MAF: variants seen among roughly 807,000 people sequenced by gnomAD.
MAF encodes the protein MAF bZIP transcription factor.
A neutral mutation model predicts 22.0 loss-of-function variants in MAF; 10 were observed. The observed-to-expected ratio is 0.45, with a 90% CI of 0.28 to 0.77. The LOEUF (loss-of-function observed/expected upper bound fraction) is 0.77. Among genes scored for constraint, MAF ranks in the 30% least tolerant of loss-of-function variants. The pLI is 0.12. For missense variants in MAF, 544 were observed against 548.4 expected (o/e 0.99, Z 0.08); for synonymous variants, 337 against 255.8 (o/e 1.32, Z -3.03).
the MAF span, among the ~76,000 whole-genome samples, chr16:79,301,708 G>A: frequency 2.6e-5 from 4 of 152,074 alleles, no homozygotes; most frequent in Non-Finnish European, 5.9e-5. Context: ...TGTGTATAAA[G>A]CACACATATA....
At chr16:79,406,220 T>A in the MAF span, among the ~76,000 whole-genome samples, 3 of 152,198 alleles carry the variant, frequency 2.0e-5, no homozygotes, top group African/African-American at 7.2e-5. Flanking sequence ...CCAAGTCAAT[T>A]ACTTGCCTTC....
the MAF span, among the ~76,000 whole-genome samples, chr16:79,331,924 T>C: frequency 6.6e-6 from 1 of 152,214 alleles, no homozygotes; most frequent in African/African-American, 2.4e-5. Flanking sequence ...TGGCATCCTA[T>C]CTCTATCATT....
chr16:79,536,799 TA>T, the MAF span, among the ~76,000 whole-genome samples: 1 of 152,220 alleles, frequency 6.6e-6, no homozygotes, highest in African/African-American at 2.4e-5. Context: ...TTATTATAAG[TA>T]ATCTAGAGAA....
the MAF span, among the ~76,000 whole-genome samples, chr16:79,559,363 G>T: frequency 6.6e-6 from 1 of 152,172 alleles, no homozygotes; most frequent in South Asian, 2.1e-4. Flanking sequence ...TCAACAATGT[G>T]TATCTCTATG....
chr16:79,363,200 G>A, the MAF span, among the ~76,000 whole-genome samples: 5 of 152,216 alleles, frequency 3.3e-5, no homozygotes, highest in African/African-American at 7.2e-5. Flanking sequence ...ACAAGGGTAG[G>A]GGGGTGGGGA....
chr16:79,479,576 C>T, the MAF span, among the ~76,000 whole-genome samples: 1 of 152,186 alleles, frequency 6.6e-6, no homozygotes, highest in African/African-American at 2.4e-5. Flanking sequence ...GGGAATCCTT[C>T]GTCCCCCTCT....
At chr16:79,332,044 C>A in the MAF span, among the ~76,000 whole-genome samples, 1 of 152,082 alleles carries the variant, frequency 6.6e-6, no homozygotes, top group African/African-American at 2.4e-5. Flanking sequence ...AGGGCAGAAA[C>A]TTTGTTTTTG....
the MAF span, among the ~76,000 whole-genome samples, chr16:79,490,087 A>T: frequency 1.3e-5 from 2 of 152,048 alleles, no homozygotes; most frequent in South Asian, 2.1e-4. Flanking sequence ...GGCAAGGTAG[A>T]GTGGTCCAGG....
At chr16:79,415,933 T>C in the MAF span, among the ~76,000 whole-genome samples, 1 of 152,062 alleles carries the variant, frequency 6.6e-6, no homozygotes, top group Non-Finnish European at 1.5e-5. Context: ...TTACGGTCCT[T>C]AGAATGTCCC....
the MAF span, among the ~76,000 whole-genome samples, chr16:79,491,095 G>C: frequency 2.6e-5 from 4 of 152,212 alleles, no homozygotes; most frequent in African/African-American, 9.6e-5. Flanking sequence ...GGGAAGGTGA[G>C]AAGGGGAGGG....
At chr16:79,495,887 T>C in the MAF span, among the ~76,000 whole-genome samples, 3 of 152,164 alleles carry the variant, frequency 2.0e-5, no homozygotes, top group African/African-American at 7.2e-5. Flanking sequence ...ATCAGAAATA[T>C]CTCTGCCTTT....
chr16:79,246,547 G>T, the MAF span, among the ~76,000 whole-genome samples: 17,006 of 132,242 alleles, frequency 0.13, 1,786 homozygotes, highest in Middle Eastern at 0.2. Context: ...TTTTGGGGGG[G>T]GTGTGGGGGT....
At chr16:79,263,024 T>C in the MAF span, among the ~76,000 whole-genome samples, 2 of 152,162 alleles carry the variant, frequency 1.3e-5, no homozygotes, top group Non-Finnish European at 1.5e-5. Context: ...ATTTCACCCA[T>C]AGGATGTGAC....
the MAF span, among the ~76,000 whole-genome samples, chr16:79,537,738 A>C: frequency 6.6e-6 from 1 of 152,204 alleles, no homozygotes; most frequent in African/African-American, 2.4e-5. Context: ...ATTCAAACCC[A>C]GGGGCCCTGG....
intron 1 of MAF, among the ~76,000 whole-genome samples, chr16:79,587,003 C>T (rs1912884667): frequency 6.6e-6 from 1 of 152,224 alleles, no homozygotes; most frequent in Non-Finnish European, 1.5e-5. Context: ...TATGCTCATG[C>T]ACCTGCTGAA....
chr16:79,487,320 C>T, the MAF span, among the ~76,000 whole-genome samples: 43 of 152,012 alleles, frequency 2.8e-4, no homozygotes, highest in East Asian at 5.4e-3. Context: ...GAGGCATCGA[C>T]GGAAAGCAGC....
the MAF span, among the ~76,000 whole-genome samples, chr16:79,561,459 C>T: frequency 7.3e-6 from 1 of 137,462 alleles, no homozygotes; most frequent in Non-Finnish European, 1.6e-5. Flanking sequence ...AATGCTATCC[C>T]TCCCCCCTCC....
At chr16:79,210,329 C>G in the MAF span, among the ~76,000 whole-genome samples, 1 of 152,180 alleles carries the variant, frequency 6.6e-6, no homozygotes, top group African/African-American at 2.4e-5. Context: ...TCAGTATGGA[C>G]CTGACTCTCC....
chr16:79,288,810 A>G, the MAF span, among the ~76,000 whole-genome samples: 1 of 151,844 alleles, frequency 6.6e-6, no homozygotes, highest in African/African-American at 2.4e-5. Context: ...GCTCACTGCA[A>G]CCTCCTCCTC....
Sources: gnomAD v4.1 joint callset for allele counts (sites outside exome capture counted in the v4.1 genomes callset) on GRCh38, gnomAD v4.1.1 for gene constraint, MANE v1.5 for transcripts, NCBI Gene and HGNC (gene_info 2026-07-23, HGNC 2026-07-21) for gene names.